The following CERS3 variants were observed in gnomAD, a reference collection of about 807,000 sequenced individuals.
The protein encoded by CERS3 is LAG1 homolog, ceramide synthase 3.
Under a neutral mutation model 50.3 loss-of-function variants are expected in CERS3, and 33 were observed. That is an observed-to-expected ratio of 0.66 (90% CI 0.50 to 0.88). The LOEUF (loss-of-function observed/expected upper bound fraction) is 0.88, where lower values mean the gene tolerates loss of function less well. Ranked by LOEUF, CERS3 falls within the 40% of genes least tolerant of loss-of-function variation. CERS3 has a pLI of 0.00. For missense variants in CERS3, 470 were observed against 460.3 expected (o/e 1.02, Z -0.19); for synonymous variants, 176 against 155.2 (o/e 1.13, Z -0.99).
At chr15:100,542,519 A>G (rs7169732) in intron 1 of CERS3, among the ~76,000 whole-genome samples, 75,683 of 151,648 alleles carry the variant, frequency 0.5, 19,151 homozygotes, top group South Asian at 0.6. Flanking sequence ...TAGTGTGATA[A>G]ATCAGACACT....
intron 2 of CERS3, among the ~76,000 whole-genome samples, chr15:100,509,752 C>A (rs1310526345): frequency 6.6e-6 from 1 of 152,082 alleles, no homozygotes; most frequent in East Asian, 1.9e-4. Flanking sequence ...CTGTCTTGCT[C>A]GCTATTGCCT....
intron 3 of CERS3, among the ~76,000 whole-genome samples, chr15:100,494,209 T>TCA (rs1441137383): frequency 1.7e-5 from 2 of 115,404 alleles, no homozygotes; most frequent in East Asian, 3.1e-4. Context: ...TTTTTTCTTT[T>TCA]CATATATATA....
intron 1 of CERS3, among the ~76,000 whole-genome samples, chr15:100,522,527 G>C (rs1301641355): frequency 1.3e-5 from 2 of 152,228 alleles, no homozygotes; most frequent in Non-Finnish European, 2.9e-5. Context: ...CGTGTTGCCT[G>C]TTCTTGAACT....
chr15:100,444,939 C>T (rs117700745), intron 11 of CERS3, among the ~76,000 whole-genome samples: 2,588 of 152,254 alleles, frequency 0.017, 33 homozygotes, highest in East Asian at 0.034. Context: ...ATCAGCCAAG[C>T]GTTTTTTCAG....
chr15:100,461,944 TCAAGTTTCCTCTCCTTC>T (rs1385606670), intron 10 of CERS3, among the ~76,000 whole-genome samples: 1 of 152,108 alleles, frequency 6.6e-6, no homozygotes, highest in Non-Finnish European at 1.5e-5. Context: ...GTCTAGTCTC[TCAAGTTTCCTCTCCTTC>T]TACGCTAAAA....
At chr15:100,521,596 A>G (rs2036640563) in intron 2 of CERS3, 71 bp downstream of exon 2, 1 of 152,214 alleles carries the variant, frequency 6.6e-6, no homozygotes. Context: ...TGAGTCACAG[A>G]TGTTAATTTC....
intron 11 of CERS3, among the ~76,000 whole-genome samples, chr15:100,439,092 C>G (rs1307413719): frequency 2.0e-5 from 3 of 152,050 alleles, no homozygotes; most frequent in African/African-American, 7.3e-5. Flanking sequence ...AGTTTCAGTG[C>G]CAAGCCTTGT....
chr15:100,416,058 C>A (rs1299280324), intron 11 of CERS3, among the ~76,000 whole-genome samples: 3 of 152,118 alleles, frequency 2.0e-5, no homozygotes, highest in Non-Finnish European at 2.9e-5. Context: ...AATGGCCATA[C>A]TACCCAAAGC....
intron 11 of CERS3, among the ~76,000 whole-genome samples, chr15:100,418,674 C>A (rs1013653921): frequency 1.7e-4 from 22 of 131,390 alleles, no homozygotes; most frequent in African/African-American, 6.2e-4. Context: ...TTAAGGGCAG[C>A]CAGAGAGAAA....
At chr15:100,409,128 C>T (rs796706718) in intron 11 of CERS3, among the ~76,000 whole-genome samples, 4 of 152,286 alleles carry the variant, frequency 2.6e-5, no homozygotes, top group African/African-American at 9.6e-5. Context: ...TAAGAAAGTG[C>T]CTTCTCCCCT....
intron 10 of CERS3, among the ~76,000 whole-genome samples, chr15:100,464,945 G>A (rs2034664860): frequency 6.6e-6 from 1 of 152,130 alleles, no homozygotes; most frequent in Admixed American, 6.6e-5. Context: ...GAGTGCAGTG[G>A]CTGGACATGA....
intron 2 of CERS3, among the ~76,000 whole-genome samples, chr15:100,504,797 C>T (rs1596778642): frequency 1.3e-5 from 2 of 152,224 alleles, no homozygotes; most frequent in South Asian, 2.1e-4. Context: ...AATTGATCAA[C>T]TTTCATGGTT....
chr15:100,518,656 G>A (rs983191041), intron 2 of CERS3, among the ~76,000 whole-genome samples: 4 of 152,114 alleles, frequency 2.6e-5, no homozygotes, highest in Admixed American at 6.5e-5. Flanking sequence ...AAATCAGCTG[G>A]TGTGAATGTG....
chr15:100,426,547 A>C (rs1425834238), intron 11 of CERS3, among the ~76,000 whole-genome samples: 1 of 152,228 alleles, frequency 6.6e-6, no homozygotes, highest in Non-Finnish European at 1.5e-5. Context: ...ATATACTGGA[A>C]TATACCATCT....
intron 1 of CERS3, among the ~76,000 whole-genome samples, chr15:100,536,119 A>G (rs2037068407): frequency 7.1e-6 from 1 of 141,182 alleles, no homozygotes; most frequent in South Asian, 2.5e-4. Flanking sequence ...CCCTGTGCTC[A>G]TATGTGCACG....
intron 11 of CERS3, among the ~76,000 whole-genome samples, chr15:100,454,510 A>G (rs1017904963): frequency 5.3e-5 from 8 of 152,144 alleles, no homozygotes; most frequent in African/African-American, 1.4e-4. Flanking sequence ...CATGCAGAAG[A>G]TTGAAACTAG....
At chr15:100,451,333 GAT>G (rs2034157545) in intron 11 of CERS3, among the ~76,000 whole-genome samples, 1 of 152,166 alleles carries the variant, frequency 6.6e-6, no homozygotes, top group African/African-American at 2.4e-5. Flanking sequence ...CCACTTAAAA[GAT>G]ATAGACTAGC....
intron 10 of CERS3, among the ~76,000 whole-genome samples, chr15:100,465,288 G>A (rs1328720210): frequency 2.6e-5 from 4 of 152,140 alleles, no homozygotes; most frequent in African/African-American, 9.7e-5. Flanking sequence ...TTGCTCCATA[G>A]TAAAATCCCA....
chr15:100,412,946 C>G (rs1378784195), intron 11 of CERS3, among the ~76,000 whole-genome samples: 1 of 152,128 alleles, frequency 6.6e-6, no homozygotes, highest in Non-Finnish European at 1.5e-5. Flanking sequence ...CAGTCCCACC[C>G]TGTAGAGTGA....
Sources: gnomAD v4.1 joint callset for allele counts (sites outside exome capture counted in the v4.1 genomes callset) on GRCh38, gnomAD v4.1.1 for gene constraint, MANE v1.5 for transcripts, NCBI Gene and HGNC (gene_info 2026-07-23, HGNC 2026-07-21) for gene names.